RBFOX1: variants seen among roughly 807,000 people sequenced by gnomAD.
RBFOX1 encodes the protein RNA binding fox-1 homolog 1.
In RBFOX1, 8 loss-of-function variants were observed where a neutral mutation model predicts 57.7. The observed-to-expected ratio is 0.14, with a 90% CI of 0.08 to 0.25. The LOEUF is 0.25. Among genes scored for constraint, RBFOX1 ranks in the 10% least tolerant of loss-of-function variants. The probability of loss-of-function intolerance (pLI) is 1.00; values close to 1 mark genes in which losing one functional copy is unlikely to be tolerated. For synonymous variants in RBFOX1, 326 were observed against 222.4 expected, an observed-to-expected ratio of 1.47 and a Z score of -4.15; for missense variants, 611 against 548.5, an observed-to-expected ratio of 1.11 and a Z score of -1.14.
At chr16:6,978,118 C>G (rs978402008) in intron 3 of RBFOX1, among the ~76,000 whole-genome samples, 18 of 151,834 alleles carry the variant, frequency 1.2e-4, no homozygotes, top group African/African-American at 4.4e-4. Context: ...AGGCTCCAGC[C>G]CTGAACACAA....
intron 2 of RBFOX1, among the ~76,000 whole-genome samples, chr16:5,556,597 G>C (rs2045685908): frequency 6.6e-6 from 1 of 152,196 alleles, no homozygotes. Context: ...GGGGTTGCTG[G>C]CTGAGCTGCA....
intron 5 of RBFOX1, among the ~76,000 whole-genome samples, chr16:7,535,426 T>C (rs2081250281): frequency 6.6e-6 from 1 of 152,190 alleles, no homozygotes; most frequent in Non-Finnish European, 1.5e-5. Context: ...ACATTGCGAC[T>C]CAGAGATGCA....
At chr16:6,682,766 A>G (rs754952932) in intron 3 of RBFOX1, among the ~76,000 whole-genome samples, 5 of 152,026 alleles carry the variant, frequency 3.3e-5, no homozygotes, top group Non-Finnish European at 7.4e-5. Flanking sequence ...TTCATACTAA[A>G]ATATTTCAGG....
Position 6,606,482 on chromosome 16 carries a change from C to T in RBFOX1, c.-63-48121C>T, listed in dbSNP as rs114534114. Among the ~76,000 whole-genome samples, 1,382 of 152,236 alleles carry T rather than the reference C, an allele frequency of 9.1e-3. 21 individuals carry two copies. Among genetic ancestry groups the T allele is most frequent in the African/African-American group, 0.026 (1,078 of 41,536 alleles). ...AACCCATCACCTAGTTATTAAGCCC[C>T]ATACGCATTAGCTGTTTATCCTGAT... On this transcript the variant is annotated intron_variant, in intron 2 of 15. Coordinates refer to ENST00000550418, the MANE Select transcript of RBFOX1 (RefSeq NM_018723.4).
chr16:5,388,821 C>T (rs2066324889), intron 1 of RBFOX1, among the ~76,000 whole-genome samples: 1 of 151,824 alleles, frequency 6.6e-6, no homozygotes, highest in South Asian at 2.1e-4. Context: ...AGATGATCCA[C>T]CCACCTCAGC....
At chr16:5,553,744 T>C (rs1441005268) in intron 2 of RBFOX1, among the ~76,000 whole-genome samples, 1 of 138,720 alleles carries the variant, frequency 7.2e-6, no homozygotes, top group African/African-American at 2.7e-5. Context: ...TATATATGTG[T>C]GTATTTATGT....
intron 1 of RBFOX1, among the ~76,000 whole-genome samples, chr16:5,296,713 C>G (rs974140682): frequency 2.0e-5 from 3 of 149,674 alleles, no homozygotes; most frequent in Admixed American, 6.7e-5. Flanking sequence ...GAGTGTCGCT[C>G]CGTCATCCAG....
rs188826765 is a variant in RBFOX1 at position 6,661,873 on chromosome 16, T to G, written c.-16+7223T>G. ...TTTTTGAAGGACCTCTATACTGTTGTGCATAATGGCTATAAGGATATATGA... is the reference window on the plus strand; with the variant it reads ...TTTTTGAAGGACCTCTATACTGTTGGGCATAATGGCTATAAGGATATATGA... On this transcript the variant is annotated intron_variant, in intron 3 of 15. Transcript: ENST00000550418. 2.0e-5 allele frequency among the ~76,000 whole-genome samples: 3 copies of G among 152,310 alleles called. No homozygotes were observed. In the East Asian group the frequency reaches 5.8e-4, roughly 29 times the overall value.
chr16:7,061,630 C>T (rs1298521676), intron 4 of RBFOX1, among the ~76,000 whole-genome samples: 1 of 152,190 alleles, frequency 6.6e-6, no homozygotes, highest in Non-Finnish European at 1.5e-5. Context: ...CTTTCCCTTG[C>T]TTTAATTTAG....
At chr16:5,881,926 T>G (rs1450254772) in intron 4 of RBFOX1, among the ~76,000 whole-genome samples, 1 of 152,220 alleles carries the variant, frequency 6.6e-6, no homozygotes, top group South Asian at 2.1e-4. Flanking sequence ...GTAGCAGTGG[T>G]AGCAGCAGCA....
chr16:6,871,268 C>A (rs544115157), intron 3 of RBFOX1, among the ~76,000 whole-genome samples: 23 of 152,272 alleles, frequency 1.5e-4, no homozygotes, highest in African/African-American at 5.5e-4. Flanking sequence ...TCACTCTAAC[C>A]TCCCCCTCCT....
At chr16:6,330,314 A>G (rs1266515847) in intron 2 of RBFOX1, among the ~76,000 whole-genome samples, 3 of 152,220 alleles carry the variant, frequency 2.0e-5, no homozygotes, top group Non-Finnish European at 4.4e-5. Flanking sequence ...CTCTGCAAAC[A>G]TGAGGTTTTG....
chr16:7,074,672 G>C (rs1418932570), intron 4 of RBFOX1, among the ~76,000 whole-genome samples: 1 of 152,126 alleles, frequency 6.6e-6, no homozygotes, highest in African/African-American at 2.4e-5. Flanking sequence ...AGGAATAAAA[G>C]CTAAGATTTT....
intron 3 of RBFOX1, among the ~76,000 whole-genome samples, chr16:7,017,113 C>T (rs746308527): frequency 3.3e-5 from 5 of 152,036 alleles, no homozygotes; most frequent in Non-Finnish European, 4.4e-5. Flanking sequence ...TGGTGGCAAC[C>T]CTGTTCTCTC....
At chr16:5,917,058 C>A (rs113355741) in intron 4 of RBFOX1, among the ~76,000 whole-genome samples, 1 of 151,948 alleles carries the variant, frequency 6.6e-6, no homozygotes, top group Admixed American at 6.6e-5. Context: ...CTCCCTTCAC[C>A]GCACCCTGCA....
In RBFOX1 at chr16:5,397,403, T is replaced by A. The variant is rs565998981; in HGVS notation, c.220-69813T>A. 7.2e-5 allele frequency among the ~76,000 whole-genome samples: 11 copies of A among 152,288 alleles called. No homozygotes were observed. The East Asian group carries it at 1.7e-3, about 24-fold the overall frequency. On this transcript the variant is annotated intron_variant, in intron 1 of 2. Transcript: ENST00000585867. ...CAGGATCAGGCAGCCACCTGGCAGG[T>A]GCTCTCTGCACTGAGCCAACCTGAA...
chr16:6,479,436 A>G (rs1220152815), intron 2 of RBFOX1, among the ~76,000 whole-genome samples: 1 of 151,814 alleles, frequency 6.6e-6, no homozygotes, highest in Non-Finnish European at 1.5e-5. Flanking sequence ...AAAAATACAA[A>G]ATTTAGCCCG....
chr16:7,357,327 A>G (rs1356017289), intron 4 of RBFOX1, among the ~76,000 whole-genome samples: 1 of 152,178 alleles, frequency 6.6e-6, no homozygotes, highest in Non-Finnish European at 1.5e-5. Context: ...TTTTCACTAC[A>G]AAAACATTTT....
At chr16:6,633,898 C>T (rs1050329407) in intron 2 of RBFOX1, among the ~76,000 whole-genome samples, 104 of 152,128 alleles carry the variant, frequency 6.8e-4, no homozygotes, top group Middle Eastern at 3.4e-3. Context: ...GTAGTCCTAG[C>T]GACTCAGGAG....
Sources: allele counts gnomAD v4.1 joint callset (sites outside exome capture counted in the v4.1 genomes callset), GRCh38; gene constraint gnomAD v4.1.1; transcripts MANE v1.5; gene names NCBI Gene and HGNC (gene_info 2026-07-23, HGNC 2026-07-21).